E2F1: variants seen among roughly 807,000 people sequenced by gnomAD.
E2F1 encodes the protein transcription factor E2F1.
A neutral mutation model predicts 36.9 loss-of-function variants in E2F1; 7 were observed. That is an observed-to-expected ratio of 0.19 (90% CI 0.11 to 0.36). E2F1 has a LOEUF of 0.36. E2F1 is among the 10% of genes least tolerant of loss of function. The probability of loss-of-function intolerance (pLI) is 1.00; values close to 1 mark genes in which losing one functional copy is unlikely to be tolerated. For missense variants in E2F1, 406 were observed against 573.6 expected (o/e 0.71, Z 2.99); for synonymous variants, 261 against 263.1 (o/e 0.99, Z 0.08).
Position 33,686,175 on chromosome 20 carries a change from G to A in E2F1, c.90C>T (p.Ser30=), listed in dbSNP as rs1476321855. The change falls in exon 1 of 7, where the codon TCC becomes TCT. Residue 30 remains serine (S), a synonymous_variant. Transcript: ENST00000343380. ...LGAGALRLLD[S]SQIVIISAAQ... is the part of the protein sequence containing the mutation. ...CGGCGGAGATGATGACGATCTGCGAGGAGTCGAGCAGCCGCAGCGCGCCGG... is the reference window on the plus strand; with the variant it reads ...CGGCGGAGATGATGACGATCTGCGAAGAGTCGAGCAGCCGCAGCGCGCCGG... The A allele has an allele frequency of 1.9e-6, 2 of 1,053,206 alleles. No individual in the cohort carries two copies. Among genetic ancestry groups the A allele is most frequent in the Non-Finnish European group, 2.3e-6 (2 of 875,010 alleles). 65.2% of individuals were successfully genotyped at this position (1,053,206 alleles called of 1,614,324 possible). A position where few individuals can be genotyped will look rare whatever the true frequency, so the allele number is the denominator to read the frequency against.
chr20:33,686,290 G>T lies in E2F1; in HGVS notation c.-26C>A. The T allele has an allele frequency of 1.0e-6, 1 of 1,000,146 alleles. No homozygotes were observed. Among genetic ancestry groups the T allele is most frequent in the Non-Finnish European group, 1.2e-6 (1 of 840,756 alleles). 62.0% of individuals were successfully genotyped at this position (1,000,146 alleles called of 1,614,324 possible). On this transcript the variant is annotated 5_prime_UTR_variant, in exon 1 of 7. Coordinates refer to ENST00000343380, the MANE Select transcript of E2F1 (RefSeq NM_005225.3). ...GACGCTCACGGCCCGCGCGGCCCGG[G>T]TGACAGGCGGCGGCGGCGGCGCGGG...
At position 33,676,926 on chromosome 20, in the gene E2F1, G is replaced by A; in HGVS notation, c.1120C>T (p.Leu374=). ...GAGTCGGCCGCCACCAGCGGGGACAGGCGGTCCTCGTCCACGGGAGCCCGC... is the reference window on the plus strand; with the variant it reads ...GAGTCGGCCGCCACCAGCGGGGACAAGCGGTCCTCGTCCACGGGAGCCCGC... ...SLRAPVDEDR[L]SPLVAADSLL... is the part of the protein sequence containing the mutation. The change falls in exon 7 of 7, where the codon CTG becomes TTG. Residue 374 remains leucine, a synonymous_variant. Coordinates refer to ENST00000343380, the MANE Select transcript of E2F1 (RefSeq NM_005225.3). 2 of 1,565,198 alleles carry A rather than the reference G, an allele frequency of 1.3e-6. No individual in the cohort carries two copies. Among genetic ancestry groups the A allele is most frequent in the Non-Finnish European group, 1.7e-6 (2 of 1,153,336 alleles).
intron 3 of E2F1, 43 bp from the exon 4 acceptor site, chr20:33,678,396 C>T (rs1304747482): frequency 1.2e-6 from 2 of 1,604,514 alleles, no homozygotes; most frequent in South Asian, 1.1e-5. Flanking sequence ...CAGCGATTGG[C>T]CCCTCTGGCC....
At chr20:33,683,784 A>T (rs2018039267) in intron 1 of E2F1, among the ~76,000 whole-genome samples, 2 of 152,070 alleles carry the variant, frequency 1.3e-5, no homozygotes, top group Non-Finnish European at 2.9e-5. Context: ...AAAAAAAAAT[A>T]AATAAATAAA....
chr20:33,685,610 C>T (rs140001793), intron 1 of E2F1, among the ~76,000 whole-genome samples: 3,518 of 152,322 alleles, frequency 0.023, 79 homozygotes, highest in Middle Eastern at 0.034. Context: ...CTCTGGGCCT[C>T]AGTTCCTCCT....
chr20:33,682,781 G>C (rs762395882), intron 1 of E2F1, among the ~76,000 whole-genome samples: 1 of 152,216 alleles, frequency 6.6e-6, no homozygotes, highest in Non-Finnish European at 1.5e-5. Context: ...GCTGTGCTTT[G>C]TTTAGCCCCT....
chr20:33,678,430 A>G, intron 3 of E2F1, 77 bp from the exon 4 acceptor site: 1 of 1,559,798 alleles, frequency 6.4e-7, no homozygotes, highest in East Asian at 2.3e-5. Context: ...CTCAGGACAG[A>G]GTCTGCTGTT....
chr20:33,677,071 C>T (rs548772156), intron 6 of E2F1, 34 bp downstream of exon 6: 6 of 1,590,100 alleles, frequency 3.8e-6, no homozygotes, highest in Non-Finnish European at 4.3e-6. Context: ...GAAGAGGGGC[C>T]CTGCCCCACC....
At chr20:33,682,730 C>A (rs975346374) in intron 1 of E2F1, among the ~76,000 whole-genome samples, 3 of 152,234 alleles carry the variant, frequency 2.0e-5, no homozygotes, top group Non-Finnish European at 4.4e-5. Context: ...CTGAAAAAAT[C>A]TGGATGACTC....
rs2017996406 is a variant in E2F1 at position 33,679,195 on chromosome 20, G to A, written c.572+560C>T. Among the ~76,000 whole-genome samples, 1 of 152,270 alleles carries A rather than the reference G, an allele frequency of 6.6e-6. No individual in the cohort carries two copies. The highest frequency in any genetic ancestry group is 1.5e-5 in the Non-Finnish European group (1 of 68,042). On this transcript the variant is annotated intron_variant, in intron 3 of 6. Coordinates refer to ENST00000343380, the MANE Select transcript of E2F1 (RefSeq NM_005225.3). The surrounding 1 kb of genome is among the most constrained non-coding windows in gnomAD (Gnocchi z 4.6). ...GAAAGGGGCACAAGAGAACCTTCTA[G>A]GGTGTTGAAAATGCTCTTATCTTGA...
At chr20:33,680,230 C>A in intron 2 of E2F1, 96 bp downstream of exon 2, 1 of 1,378,052 alleles carries the variant, frequency 7.3e-7, no homozygotes, top group South Asian at 1.3e-5. Context: ...TCAAGCCCGA[C>A]AAGCCAGACG....
chr20:33,686,052 C>T lies in E2F1; in HGVS notation c.213G>A (p.Ala71=). The T allele has an allele frequency of 1.8e-6, 2 of 1,129,448 alleles. No individual in the cohort carries two copies. Among genetic ancestry groups the T allele is most frequent in the Non-Finnish European group, 2.2e-6 (2 of 923,812 alleles). 70.0% of individuals were successfully genotyped at this position (1,129,448 alleles called of 1,614,324 possible). A position where few individuals can be genotyped will look rare whatever the true frequency, so the allele number is the denominator to read the frequency against. Residue 71 remains alanine (A), a synonymous_variant, in exon 1 of 7, where the codon GCG becomes GCA. Transcript: ENST00000343380. ...PDLLLFATPQ[A]PRPTPSAPRP... Reference sequence around the variant, plus strand: ...GCGGCGCACTGGGTGTGGGCCGGGGCGCCTGCGGTGTGGCGAAGAGCAGCA... The same window carrying T: ...GCGGCGCACTGGGTGTGGGCCGGGGTGCCTGCGGTGTGGCGAAGAGCAGCA...
In E2F1 at chr20:33,676,991, G is replaced by C; in HGVS notation, c.1067-12C>G. ...GGACAACAGCGGTTCTGGGGAGACG[G>C]GGAGCATCACAGGCCGGGGATGCCC... On this transcript the variant is annotated splice_polypyrimidine_tract_variant and intron_variant, in intron 6 of 6. Transcript: ENST00000343380. 6.4e-7 allele frequency: 1 copy of C among 1,560,078 alleles called. No individual in the cohort carries two copies. Among genetic ancestry groups the C allele is most frequent in the Non-Finnish European group, 8.7e-7 (1 of 1,148,914 alleles).
Position 33,679,037 on chromosome 20 carries a change from CATG to C in E2F1, c.573-687_573-685del, listed in dbSNP as rs1460561081. Among the ~76,000 whole-genome samples the C allele has an allele frequency of 1.3e-5, 2 of 152,204 alleles. No homozygotes were observed. The highest frequency in any genetic ancestry group is 4.8e-5 in the African/African-American group (2 of 41,438). ...AGGTGTATCAAAGAAAGGGTAGTAG[CATG>C]ATGACTGGCGCGAAGGCGAGAGGGG... On this transcript the variant is annotated intron_variant, in intron 3 of 6. Transcript: ENST00000343380. This position sits in a 1 kb window ranked among gnomAD's most constrained non-coding sequence, Gnocchi z 4.6.
In E2F1 at chr20:33,679,547, A is replaced by C. The variant is rs1039280828; in HGVS notation, c.572+208T>G. 1.3e-5 allele frequency among the ~76,000 whole-genome samples: 2 copies of C among 152,240 alleles called. No homozygotes were observed. Among genetic ancestry groups the C allele is most frequent in the Non-Finnish European group, 2.9e-5 (2 of 68,050 alleles). On this transcript the variant is annotated intron_variant, in intron 3 of 6. Coordinates refer to ENST00000343380, the MANE Select transcript of E2F1 (RefSeq NM_005225.3). This position sits in a 1 kb window ranked among gnomAD's most constrained non-coding sequence, Gnocchi z 4.6. ...TGACAGAGTGAAACTCCATCTAAAA[A>C]AGAAAAAAGTAAAGCTGCAACTGAG... is the stretch of plus-strand genomic sequence containing the variant.
In E2F1 at chr20:33,676,748, G is replaced by A. The variant is rs151195835; in HGVS notation, c.1298C>T (p.Thr433Ile). Residue 433 changes from threonine to isoleucine, a missense_variant, in exon 7 of 7, where the codon ACC becomes ATC. Physicochemically the swap from Thr to Ile is moderately conservative, Grantham distance 89. This residue lies in a region of E2F1 where 163 missense variants were observed against 181.5 expected (regional missense o/e 0.90). Coordinates refer to ENST00000343380, the MANE Select transcript of E2F1 (RefSeq NM_005225.3). ...DLFDCDFGDL[T>I]PLDF ...CAAGCCCTGTCAGAAATCCAGGGGGGTGAGGTCCCCAAAGTCACAGTCGAA... is the reference window on the plus strand; with the variant it reads ...CAAGCCCTGTCAGAAATCCAGGGGGATGAGGTCCCCAAAGTCACAGTCGAA... The A allele has an allele frequency of 6.2e-7, 1 of 1,609,280 alleles. No individual in the cohort carries two copies. The highest frequency in any genetic ancestry group is 1.3e-5 in the African/African-American group (1 of 74,944).
intron 1 of E2F1, among the ~76,000 whole-genome samples, chr20:33,680,783 A>G (rs1180078638): frequency 1.3e-5 from 2 of 152,238 alleles, no homozygotes; most frequent in Non-Finnish European, 2.9e-5. Context: ...AGACTGGGTC[A>G]GAGGCGCTGG....
At chr20:33,685,769 C>A (rs1348048367) in intron 1 of E2F1, among the ~76,000 whole-genome samples, 2 of 152,164 alleles carry the variant, frequency 1.3e-5, no homozygotes, top group Non-Finnish European at 2.9e-5. Context: ...GGGGAGGCTC[C>A]GGTGAGGAAG....
rs1167700961 is a variant in E2F1 at position 33,676,959 on chromosome 20, C to A, written c.1087G>T (p.Gly363Cys). The A allele has an allele frequency of 6.4e-7, 1 of 1,564,414 alleles. No individual in the cohort carries two copies. The highest frequency in any genetic ancestry group is 8.7e-7 in the Non-Finnish European group (1 of 1,152,076). Residue 363 changes from glycine to cysteine, a missense_variant, in exon 7 of 7, where the codon GGC becomes TGC. Coordinates refer to ENST00000343380, the MANE Select transcript of E2F1 (RefSeq NM_005225.3). ...TCGTCCACGGGAGCCCGCAGGCTGC[C>A]CATCCGGGACAACAGCGGTTCTGGG... is the stretch of plus-strand genomic sequence containing the variant. ...LEQEPLLSRM[G>C]SLRAPVDEDR...
Sources: gnomAD v4.1 joint callset for allele counts (sites outside exome capture counted in the v4.1 genomes callset) on GRCh38, gnomAD v4.1.1 for gene constraint, gnomAD v4.1.1 regional missense constraint, Gnocchi (gnomAD v3.1) non-coding constraint, MANE v1.5 for transcripts, NCBI Gene and HGNC (gene_info 2026-07-23, HGNC 2026-07-21) for gene names.